Variants in ELFN1 observed in about 807,000 individuals in gnomAD.
The protein encoded by ELFN1 is extracellular leucine rich repeat and fibronectin type III domain containing 1.
In ELFN1, 6 loss-of-function variants were observed where a neutral mutation model predicts 7.6. The observed-to-expected ratio is 0.79, with a 90% CI of 0.43 to 1.56. ELFN1 has a LOEUF of 1.56. ELFN1 is among the 40% of genes most tolerant of loss of function. The probability of loss-of-function intolerance (pLI) is 0.01; values close to 1 mark genes in which losing one functional copy is unlikely to be tolerated. For synonymous variants in ELFN1, 657 were observed against 588.1 expected, an observed-to-expected ratio of 1.12 and a Z score of -1.70; for missense variants, 1,169 against 1,232.2, an observed-to-expected ratio of 0.95 and a Z score of 0.77.
rs370656526 is a variant in ELFN1 at position 1,708,036 on chromosome 7, G to T, written c.-455-1055G>T. 2.8e-4 allele frequency among the ~76,000 whole-genome samples: 42 copies of T among 151,970 alleles called. 1 individual carries two copies. The East Asian group carries it at 5.8e-3, about 21-fold the overall frequency. On this transcript the variant is annotated intron_variant, in intron 2 of 3. Transcript: ENST00000424383. ...CCCCCCGCCTCTGCACCAACCTCGC[G>T]AACCCCTTTGCACCTAGAACCCCCC...
At chr7:1,724,457 CCT>C (rs1780123892) in intron 3 of ELFN1, among the ~76,000 whole-genome samples, 1 of 152,130 alleles carries the variant, frequency 6.6e-6, no homozygotes. Flanking sequence ...TGAGTTTTGC[CCT>C]GTGTGACTTG....
rs1334871265 is a variant in ELFN1 at position 1,673,773 on chromosome 7, G to C, written c.-549+3419G>C. On this transcript the variant is annotated intron_variant, in intron 1 of 3. Transcript: ENST00000424383. The surrounding 1 kb of genome is among the most constrained non-coding windows in gnomAD (Gnocchi z 4.7). ...GAGATCAGCCGGTCCAGCCCCTGAA[G>C]ATGGTCCAGCCGGTCCATTTTCCAG... Among the ~76,000 whole-genome samples the C allele has an allele frequency of 6.6e-6, 1 of 151,316 alleles. No individual in the cohort carries two copies. Among genetic ancestry groups the C allele is most frequent in the Non-Finnish European group, 1.5e-5 (1 of 67,306 alleles).
chr7:1,695,998 G>A lies in ELFN1; in HGVS notation c.-456+7848G>A, dbSNP rs1024270909. ...ACTCCTGCCTGCCTTTGTCGGCCCC[G>A]GCTCTCATAACAAAAGCGGGACACT... On this transcript the variant is annotated intron_variant, in intron 2 of 3. Coordinates refer to ENST00000424383, the MANE Select transcript of ELFN1 (RefSeq NM_001128636.4). The surrounding 1 kb of genome is among the most constrained non-coding windows in gnomAD (Gnocchi z 5.1). 2.6e-5 allele frequency among the ~76,000 whole-genome samples: 4 copies of A among 152,098 alleles called. No homozygotes were observed. Among genetic ancestry groups the A allele is most frequent in the South Asian group, 4.1e-4 (2 of 4,828 alleles).
chr7:1,717,564 C>T (rs1779872316), intron 3 of ELFN1, among the ~76,000 whole-genome samples: 1 of 152,136 alleles, frequency 6.6e-6, no homozygotes, highest in African/African-American at 2.4e-5. Context: ...GGAGCCCAGG[C>T]CTGGCTGGGG....
intron 2 of ELFN1, among the ~76,000 whole-genome samples, chr7:1,698,737 T>C (rs377658962): frequency 1.3e-5 from 2 of 152,340 alleles, no homozygotes; most frequent in East Asian, 3.9e-4. Context: ...TCTTTTTTCT[T>C]CTTTTGAGGA....
chr7:1,672,571 T>A (rs1352564808), intron 1 of ELFN1, among the ~76,000 whole-genome samples: 2 of 152,168 alleles, frequency 1.3e-5, no homozygotes, highest in Non-Finnish European at 2.9e-5. Context: ...ATCAATGGGG[T>A]AAAATCGGAG....
At chr7:1,668,413 C>G (rs190177068), upstream of ELFN1, among the ~76,000 whole-genome samples, 56 of 152,380 alleles carry the variant, frequency 3.7e-4, 1 homozygote, top group South Asian at 8.3e-4. Context: ...TTGGCCAGCA[C>G]AGGCCTGGGG....
chr7:1,737,399 C>T (rs933972900), intron 3 of ELFN1, among the ~76,000 whole-genome samples: 1 of 152,164 alleles, frequency 6.6e-6, no homozygotes, highest in Admixed American at 6.5e-5. Context: ...GCACAGCAGG[C>T]GGTAGACTGG....
intron 3 of ELFN1, among the ~76,000 whole-genome samples, chr7:1,737,192 G>A (rs1183995105): frequency 6.6e-6 from 1 of 152,068 alleles, no homozygotes; most frequent in African/African-American, 2.4e-5. Context: ...TCCTGCCAAA[G>A]CCCTGCCTGG....
intron 3 of ELFN1, among the ~76,000 whole-genome samples, chr7:1,725,450 CGGGA>C (rs996428201): frequency 4.6e-5 from 5 of 108,634 alleles, no homozygotes; most frequent in South Asian, 3.2e-4. Context: ...GCGAGACAGA[CGGGA>C]GGGAGGGAGG....
intron 2 of ELFN1, among the ~76,000 whole-genome samples, chr7:1,690,005 C>T (rs1178127877): frequency 6.6e-6 from 1 of 152,206 alleles, no homozygotes; most frequent in African/African-American, 2.4e-5. Context: ...AGCCCTAGCA[C>T]ACAACTGGCA....
Position 1,746,567 on chromosome 7 carries a change from CG to C in ELFN1, c.1975del (p.Val659CysfsTer25). Reference protein sequence around the residue: ...SPRAFRAEAVGVHKAAAAEAK... With the variant: ...SPRAFRAEAVXVHKAAAAEAK... The stretch of plus-strand genomic sequence containing the variant: ...CCCGCGCCTTCCGAGCCGAGGCCGT[CG>C]GGGTGCACAAGGCCGCGGCCGCCGA... On this transcript the variant is annotated frameshift_variant, in exon 4 of 4. Transcript: ENST00000424383. LOFTEE classifies it low-confidence loss of function (END_TRUNC). 7.4e-7 allele frequency: 1 copy of C among 1,357,930 alleles called. No homozygotes were observed. 84.1% of individuals were successfully genotyped at this position (1,357,930 alleles called of 1,614,324 possible).
chr7:1,725,883 C>A (rs914252397), intron 3 of ELFN1, among the ~76,000 whole-genome samples: 6 of 151,986 alleles, frequency 3.9e-5, no homozygotes, highest in African/African-American at 1.2e-4. Flanking sequence ...GCACAAAAAT[C>A]ACACACAAAT....
chr7:1,687,526 C>T (rs546234409), intron 1 of ELFN1, among the ~76,000 whole-genome samples: 2 of 152,188 alleles, frequency 1.3e-5, no homozygotes, highest in East Asian at 3.9e-4. Context: ...AGGGGAATCT[C>T]ACAACTGCAT....
At chr7:1,720,335 G>A (rs1010318184) in intron 3 of ELFN1, among the ~76,000 whole-genome samples, 1 of 152,184 alleles carries the variant, frequency 6.6e-6, no homozygotes, top group African/African-American at 2.4e-5. Context: ...TCCTCTGCCT[G>A]CCCTTGATTT....
At chr7:1,667,632 T>G (rs1210633928), upstream of ELFN1, among the ~76,000 whole-genome samples, 1 of 152,062 alleles carries the variant, frequency 6.6e-6, no homozygotes, top group African/African-American at 2.4e-5. This position sits in a 1 kb window ranked among gnomAD's most constrained non-coding sequence, Gnocchi z 8.2. Context: ...CCTGCCTCGG[T>G]GTCTGCAGAG....
intron 3 of ELFN1, among the ~76,000 whole-genome samples, chr7:1,733,227 A>G (rs1002094757): frequency 5.9e-5 from 9 of 152,216 alleles, no homozygotes; most frequent in Non-Finnish European, 1.3e-4. Context: ...CAGCTCAGCC[A>G]GATCCAGCTG....
Position 1,744,456 on chromosome 7 carries a change from C to A in ELFN1, c.-141C>A. ...CCCTCCCCGCGCTTACGTCGCGCGG[C>A]CATGCGGTTTGGGACAGGACACCCC... On this transcript the variant is annotated 5_prime_UTR_variant, in exon 4 of 4. Coordinates refer to ENST00000424383, the MANE Select transcript of ELFN1 (RefSeq NM_001128636.4). 1.0e-6 allele frequency: 1 copy of A among 992,200 alleles called. No individual in the cohort carries two copies. The highest frequency in any genetic ancestry group is 1.4e-6 in the Non-Finnish European group (1 of 712,970). 61.5% of individuals were successfully genotyped at this position (992,200 alleles called of 1,614,324 possible).
intron 3 of ELFN1, among the ~76,000 whole-genome samples, chr7:1,709,889 C>T (rs1285125373): frequency 6.6e-6 from 1 of 152,234 alleles, no homozygotes; most frequent in Non-Finnish European, 1.5e-5. Context: ...TCTTTTTCTG[C>T]AGCATTTTTC....
Sources: allele counts gnomAD v4.1 joint callset (sites outside exome capture counted in the v4.1 genomes callset), GRCh38; gene constraint gnomAD v4.1.1; non-coding constraint Gnocchi (gnomAD v3.1); transcripts MANE v1.5; gene names NCBI Gene and HGNC (gene_info 2026-07-23, HGNC 2026-07-21).